The following CELF2 variants were observed in gnomAD, a reference collection of about 807,000 sequenced individuals.
CELF2 encodes the protein CUGBP Elav-like family member 2.
A neutral mutation model predicts 62.6 loss-of-function variants in CELF2; 8 were observed. The observed-to-expected ratio is 0.13, with a 90% CI of 0.07 to 0.23. The LOEUF is 0.23. Among genes scored for constraint, CELF2 ranks in the 10% least tolerant of loss-of-function variants. CELF2 has a pLI of 1.00. For synonymous variants in CELF2, 258 were observed against 250.0 expected, an observed-to-expected ratio of 1.03 and a Z score of -0.30; for missense variants, 333 against 671.0, an observed-to-expected ratio of 0.50 and a Z score of 5.56.
At chr10:11,104,334 C>T (rs1037900173) in intron 1 of CELF2, among the ~76,000 whole-genome samples, 5 of 152,128 alleles carry the variant, frequency 3.3e-5, no homozygotes, top group African/African-American at 4.8e-5. Flanking sequence ...AAATGACATA[C>T]AAAATACTCT....
intron 2 of CELF2, among the ~76,000 whole-genome samples, chr10:11,206,084 C>T (rs1469108370): frequency 1.3e-5 from 2 of 152,174 alleles, no homozygotes; most frequent in Non-Finnish European, 2.9e-5. Context: ...TTCAGAGGCA[C>T]CTAGAACCCT....
Position 11,010,888 on chromosome 10 carries a change from A to G in CELF2, c.53+5448A>G, listed in dbSNP as rs1233649008. On this transcript the variant is annotated intron_variant, in intron 1 of 12. Coordinates refer to the CELF2 transcript ENST00000416382. This position sits in a 1 kb window ranked among gnomAD's most constrained non-coding sequence, Gnocchi z 4.1. ...TCAGCTGCTCAGCCCTTCCTAAATT[A>G]CAGCTCTTTTAAACTTACCTTGCAG... 6.6e-6 allele frequency: 1 copy of G among 152,216 alleles called. No individual in the cohort carries two copies. The highest frequency in any genetic ancestry group is 1.9e-4 in the East Asian group (1 of 5,202). 9.4% of individuals were successfully genotyped at this position (152,216 alleles called of 1,614,324 possible). A position where few individuals can be genotyped will look rare whatever the true frequency, so the allele number is the denominator to read the frequency against.
rs1249266885 is a variant in CELF2, at chr10:11,187,593, T to G, written c.271+21911T>G. 2.7e-5 allele frequency among the ~76,000 whole-genome samples: 4 copies of G among 148,776 alleles called. No individual in the cohort carries two copies. In the East Asian group the frequency reaches 8.0e-4, roughly 30 times the overall value. On this transcript the variant is annotated intron_variant, in intron 2 of 12. Coordinates refer to ENST00000633077, the MANE Select transcript of CELF2 (RefSeq NM_001326342.2). The stretch of plus-strand genomic sequence containing the variant: ...AGGTCGCCCCCCCCCCAACCTGTTC[T>G]TCCCTTTTGCCTCTTCTTATTACTT...
At chr10:11,093,782 A>G (rs2049005008) in intron 1 of CELF2, among the ~76,000 whole-genome samples, 1 of 152,164 alleles carries the variant, frequency 6.6e-6, no homozygotes, top group African/African-American at 2.4e-5. Context: ...TCAGCTTACC[A>G]CTTATTTCTT....
upstream of CELF2, among the ~76,000 whole-genome samples, chr10:10,798,177 A>G (rs2054274985): frequency 2.0e-5 from 3 of 152,220 alleles, no homozygotes; most frequent in Admixed American, 6.5e-5. Flanking sequence ...AATTATTTTT[A>G]AAAAACAAAT....
chr10:11,047,591 A>T (rs1241205756), intron 1 of CELF2, among the ~76,000 whole-genome samples: 1 of 152,316 alleles, frequency 6.6e-6, no homozygotes, highest in South Asian at 2.1e-4. Flanking sequence ...TGATTCCTAA[A>T]GAAGCCTCAG....
chr10:10,895,381 G>T (rs1482555163), intron 1 of CELF2, among the ~76,000 whole-genome samples: 1 of 152,196 alleles, frequency 6.6e-6, no homozygotes, highest in Non-Finnish European at 1.5e-5. Flanking sequence ...CAACAAACTT[G>T]AGAATCTAGC....
At chr10:11,055,090 A>G (rs1225726045) in intron 1 of CELF2, among the ~76,000 whole-genome samples, 2 of 152,246 alleles carry the variant, frequency 1.3e-5, no homozygotes, top group East Asian at 3.8e-4. Context: ...ATGTTACTGT[A>G]ATGCTCATAA....
chr10:11,215,360 G>A (rs529033206), intron 2 of CELF2, among the ~76,000 whole-genome samples: 19 of 152,162 alleles, frequency 1.2e-4, no homozygotes, highest in Non-Finnish European at 2.5e-4. Flanking sequence ...TTATCTTAGC[G>A]TTGTTTAATT....
In CELF2 at chr10:11,331,882, T is replaced by C. The variant is rs1337810520; in HGVS notation, c.*2829T>C. On this transcript the variant is annotated 3_prime_UTR_variant, in exon 13 of 13. Coordinates refer to ENST00000633077, the MANE Select transcript of CELF2 (RefSeq NM_001326342.2). ...CAGAGCTATCTGGAATGTTGATGAC[T>C]TTTTATACTGTCATGATTTGAGTTT... The C allele has an allele frequency of 6.6e-6, 1 of 152,622 alleles. No individual in the cohort carries two copies. Among genetic ancestry groups the C allele is most frequent in the Non-Finnish European group, 1.5e-5 (1 of 68,042 alleles). 9.5% of individuals were successfully genotyped at this position (152,622 alleles called of 1,614,324 possible). A position where few individuals can be genotyped will look rare whatever the true frequency, so the allele number is the denominator to read the frequency against.
At chr10:11,005,236 T>G (rs1394216994), upstream of CELF2, 9 of 1,461,466 alleles carry the variant, frequency 6.2e-6, no homozygotes, top group African/African-American at 1.5e-5. This position sits in a 1 kb window ranked among gnomAD's most constrained non-coding sequence, Gnocchi z 4.3. Context: ...GGGAAGAGAG[T>G]GGGAAGACAG....
chr10:10,630,788 A>G, the CELF2 span, among the ~76,000 whole-genome samples: 2 of 152,240 alleles, frequency 1.3e-5, no homozygotes, highest in Non-Finnish European at 2.9e-5. Context: ...GAATTACTGA[A>G]TTATGAGAAG....
chr10:11,089,269 C>T (rs868560574), intron 1 of CELF2, among the ~76,000 whole-genome samples: 46 of 152,290 alleles, frequency 3.0e-4, no homozygotes, highest in Middle Eastern at 3.4e-3. Flanking sequence ...TGGAGGTTGG[C>T]AGCCGATGGC....
intron 1 of CELF2, among the ~76,000 whole-genome samples, chr10:10,835,583 A>G (rs1481794159): frequency 6.6e-6 from 1 of 151,948 alleles, no homozygotes; most frequent in Non-Finnish European, 1.5e-5. Flanking sequence ...GGGTTTCACC[A>G]TGTTGGCCAG....
the CELF2 span, among the ~76,000 whole-genome samples, chr10:10,678,189 C>G: frequency 6.6e-6 from 1 of 152,094 alleles, no homozygotes; most frequent in East Asian, 1.9e-4. Flanking sequence ...ATCCACACAT[C>G]TAGCAAAAAT....
At chr10:10,684,865 T>C in the CELF2 span, among the ~76,000 whole-genome samples, 3 of 151,926 alleles carry the variant, frequency 2.0e-5, no homozygotes. Flanking sequence ...GTCAACAAGG[T>C]TTTCAGAAAA....
chr10:10,862,245 C>T lies in CELF2; in HGVS notation c.54-57719C>T, dbSNP rs181757999. Among the ~76,000 whole-genome samples the T allele has an allele frequency of 3.8e-4, 58 of 152,244 alleles. No homozygotes were observed. The East Asian group carries it at 0.011, about 28-fold the overall frequency. On this transcript the variant is annotated intron_variant, in intron 1 of 13. Coordinates refer to the CELF2 transcript ENST00000636488. Reference sequence around the variant, plus strand: ...AAACAGTCCTTTTATTTTGCTTACACTTTTGTAGGTCAGGCATTCAATAAG... The same window carrying T: ...AAACAGTCCTTTTATTTTGCTTACATTTTTGTAGGTCAGGCATTCAATAAG...
At chr10:10,493,532 TTTG>T in the CELF2 span, among the ~76,000 whole-genome samples, 1 of 21,746 alleles carries the variant, frequency 4.6e-5, no homozygotes. Flanking sequence ...TTTTTTTTTG[TTTG>T]TTTCTTTTTT....
At chr10:11,029,941 C>G (rs1429441902) in intron 1 of CELF2, among the ~76,000 whole-genome samples, 1 of 152,200 alleles carries the variant, frequency 6.6e-6, no homozygotes, top group Non-Finnish European at 1.5e-5. Context: ...ATTGGCCACA[C>G]TTTTATCTTG....
Sources: allele counts gnomAD v4.1 joint callset (sites outside exome capture counted in the v4.1 genomes callset), GRCh38; gene constraint gnomAD v4.1.1; non-coding constraint Gnocchi (gnomAD v3.1); transcripts MANE v1.5; gene names NCBI Gene and HGNC (gene_info 2026-07-23, HGNC 2026-07-21).